The following COL23A1 variants were observed in gnomAD, a reference collection of about 807,000 sequenced individuals.
The protein encoded by COL23A1 is collagen alpha-1(XXIII) chain.
Under a neutral mutation model 99.3 loss-of-function variants are expected in COL23A1, and 97 were observed. That is an observed-to-expected ratio of 0.98 (90% CI 0.83 to 1.16). The LOEUF (loss-of-function observed/expected upper bound fraction) is 1.16. COL23A1 is among the 50% of genes most tolerant of loss of function. The probability of loss-of-function intolerance (pLI) is 0.00; values close to 1 mark genes in which losing one functional copy is unlikely to be tolerated. For missense variants in COL23A1, 762 were observed against 757.4 expected (o/e 1.01, Z -0.07); for synonymous variants, 320 against 308.2 (o/e 1.04, Z -0.40).
chr5:178,361,470 TAG>T (rs1295799090), intron 2 of COL23A1, among the ~76,000 whole-genome samples: 1 of 152,128 alleles, frequency 6.6e-6, no homozygotes, highest in Non-Finnish European at 1.5e-5. Flanking sequence ...CTGATGCTCT[TAG>T]AGTCTCGCTC....
chr5:178,411,672 C>G (rs1765062919), intron 2 of COL23A1, among the ~76,000 whole-genome samples: 1 of 152,158 alleles, frequency 6.6e-6, no homozygotes, highest in African/African-American at 2.4e-5. Flanking sequence ...GGTATAGGTT[C>G]TTTTGCGGTG....
intron 2 of COL23A1, among the ~76,000 whole-genome samples, chr5:178,469,413 A>T (rs568047121): frequency 6.6e-6 from 1 of 152,148 alleles, no homozygotes; most frequent in Admixed American, 6.5e-5. Context: ...TTCCTCTGAG[A>T]TACTGTTGTT....
At chr5:178,514,259 G>A (rs1437182370) in intron 2 of COL23A1, among the ~76,000 whole-genome samples, 1 of 152,148 alleles carries the variant, frequency 6.6e-6, no homozygotes, top group Non-Finnish European at 1.5e-5. Flanking sequence ...TTTTAAGGCT[G>A]ACACTATTCC....
At chr5:178,334,805 T>C (rs1170671328) in intron 2 of COL23A1, among the ~76,000 whole-genome samples, 1 of 151,892 alleles carries the variant, frequency 6.6e-6, no homozygotes, top group Non-Finnish European at 1.5e-5. Context: ...TCTTAGGAGG[T>C]GGGAATATTA....
chr5:178,459,979 G>A (rs1286059778), intron 2 of COL23A1, among the ~76,000 whole-genome samples: 2 of 152,090 alleles, frequency 1.3e-5, no homozygotes, highest in East Asian at 3.9e-4. Context: ...TCTCTTTATG[G>A]TGGTATAATG....
At chr5:178,312,039 TG>T (rs1758721926) in intron 2 of COL23A1, among the ~76,000 whole-genome samples, 1 of 152,170 alleles carries the variant, frequency 6.6e-6, no homozygotes, top group Non-Finnish European at 1.5e-5. Flanking sequence ...CCTGCGTAAC[TG>T]GTTCTTATGA....
At chr5:178,461,611 T>C (rs1235217439) in intron 2 of COL23A1, among the ~76,000 whole-genome samples, 1 of 152,242 alleles carries the variant, frequency 6.6e-6, no homozygotes, top group Non-Finnish European at 1.5e-5. Flanking sequence ...GTAGCCAGCA[T>C]GCAACAGTCC....
intron 2 of COL23A1, among the ~76,000 whole-genome samples, chr5:178,417,015 T>C (rs1055323299): frequency 6.6e-6 from 1 of 152,102 alleles, no homozygotes; most frequent in African/African-American, 2.4e-5. Context: ...TCCTGAGACT[T>C]AGGGGCCTTG....
At position 178,586,734 on chromosome 5, in the gene COL23A1, G is replaced by C. The variant is rs115715012; in HGVS notation, c.294+3170C>G. ...ATGTCAAGGAAACAAATGTAGCTAT[G>C]ATTTACACTGCATCTCCAGTTGTGC... On this transcript the variant is annotated intron_variant, in intron 1 of 28. Transcript: ENST00000390654. Among the ~76,000 whole-genome samples the C allele has an allele frequency of 7.1e-3, 1,087 of 152,214 alleles. 9 individuals carry two copies. The highest frequency in any genetic ancestry group is 0.024 in the African/African-American group (982 of 41,512).
intron 2 of COL23A1, among the ~76,000 whole-genome samples, chr5:178,422,351 T>G (rs1307630357): frequency 1.3e-5 from 2 of 152,198 alleles, no homozygotes; most frequent in Non-Finnish European, 2.9e-5. Flanking sequence ...CCACTCTGAC[T>G]GGCTCTTCTG....
intron 2 of COL23A1, among the ~76,000 whole-genome samples, chr5:178,421,935 G>A (rs1012503592): frequency 1.3e-4 from 18 of 141,746 alleles, no homozygotes; most frequent in Middle Eastern, 3.4e-3. Flanking sequence ...GAAGAACGCC[G>A]GGGGGTGGAG....
Position 178,256,920 on chromosome 5 carries a change from T to C in COL23A1, c.783A>G (p.Pro261=). ...QPGPPGPKGE[P]GSMGPRGENG... ...TCTCTCCCCGAGGCCCCATGCTCCC[T>C]GGCTCGCCCTGAAACAGACACAGCT... The change falls in exon 14 of 29, where the codon CCA becomes CCG. Residue 261 remains proline, a synonymous_variant. Transcript: ENST00000390654. 6.2e-6 allele frequency: 10 copies of C among 1,613,504 alleles called. No homozygotes were observed. The highest frequency in any genetic ancestry group is 7.6e-6 in the Non-Finnish European group (9 of 1,179,850).
intron 2 of COL23A1, among the ~76,000 whole-genome samples, chr5:178,512,474 A>G (rs771318948): frequency 2.0e-5 from 3 of 152,212 alleles, no homozygotes; most frequent in Non-Finnish European, 4.4e-5. Context: ...GTGAGTTAAC[A>G]TCGTCCCTGT....
chr5:178,350,130 A>C (rs1389391041), intron 2 of COL23A1, among the ~76,000 whole-genome samples: 3 of 152,156 alleles, frequency 2.0e-5, no homozygotes, highest in African/African-American at 7.2e-5. Flanking sequence ...GCCTACAATT[A>C]CACTGAGCAC....
intron 1 of COL23A1, among the ~76,000 whole-genome samples, chr5:178,572,747 T>C (rs1763170605): frequency 6.6e-6 from 1 of 152,242 alleles, no homozygotes; most frequent in South Asian, 2.1e-4. Flanking sequence ...CAGCTTTATT[T>C]ACAATAGACA....
At chr5:178,301,097 C>T (rs548254969) in intron 3 of COL23A1, among the ~76,000 whole-genome samples, 25 of 152,064 alleles carry the variant, frequency 1.6e-4, no homozygotes, top group Non-Finnish European at 3.7e-4. Flanking sequence ...GTCTTTGAGG[C>T]TCTGTTCATT....
Position 178,504,043 on chromosome 5 carries a change from G to C in COL23A1, c.361+56639C>G, listed in dbSNP as rs189245366. ...AATATGCTGCAAAAGATAAAAAAGAGTTCACCTCATCTCAGGAAAGACATT... is the reference window on the plus strand; with the variant it reads ...AATATGCTGCAAAAGATAAAAAAGACTTCACCTCATCTCAGGAAAGACATT... On this transcript the variant is annotated intron_variant, in intron 2 of 28. Transcript: ENST00000390654. Among the ~76,000 whole-genome samples, 165 of 152,214 alleles carry C rather than the reference G, an allele frequency of 1.1e-3. 2 individuals are homozygous for C. Among genetic ancestry groups the C allele is most frequent in the Admixed American group, 2.0e-3 (30 of 15,306 alleles).
intron 2 of COL23A1, among the ~76,000 whole-genome samples, chr5:178,554,280 G>A (rs1036625580): frequency 3.9e-5 from 6 of 152,020 alleles, no homozygotes; most frequent in Admixed American, 3.9e-4. Context: ...CTGAGTTCAA[G>A]CAATCCTCCT....
At chr5:178,582,287 A>G (rs1763702779) in intron 1 of COL23A1, among the ~76,000 whole-genome samples, 2 of 150,162 alleles carry the variant, frequency 1.3e-5, no homozygotes, top group African/African-American at 4.9e-5. Context: ...CTGAGAGTCT[A>G]GGTAAAGGAG....
Sources: gnomAD v4.1 joint callset for allele counts (sites outside exome capture counted in the v4.1 genomes callset) on GRCh38, gnomAD v4.1.1 for gene constraint, MANE v1.5 for transcripts, NCBI Gene and HGNC (gene_info 2026-07-23, HGNC 2026-07-21) for gene names.